The following PRMT8 variants were observed in gnomAD, a reference collection of about 807,000 sequenced individuals.
PRMT8 encodes protein arginine N-methyltransferase 8.
A neutral mutation model predicts 47.1 loss-of-function variants in PRMT8; 7 were observed. The observed-to-expected ratio is 0.15, with a 90% CI of 0.08 to 0.28. PRMT8 has a LOEUF of 0.28. Among genes scored for constraint, PRMT8 ranks in the 10% least tolerant of loss-of-function variants. The probability of loss-of-function intolerance (pLI) is 1.00; values close to 1 mark genes in which losing one functional copy is unlikely to be tolerated. For synonymous variants in PRMT8, 188 were observed against 186.5 expected, an observed-to-expected ratio of 1.01 and a Z score of -0.07; for missense variants, 237 against 505.4, an observed-to-expected ratio of 0.47 and a Z score of 5.09.
intron 1 of PRMT8, among the ~76,000 whole-genome samples, chr12:3,506,345 C>G (rs1460588600): frequency 6.6e-6 from 1 of 152,142 alleles, no homozygotes. Flanking sequence ...GAAAGGAGAA[C>G]AGATAAGTAC....
At chr12:3,510,263 G>T (rs931138325) in intron 1 of PRMT8, among the ~76,000 whole-genome samples, 8 of 152,096 alleles carry the variant, frequency 5.3e-5, no homozygotes, top group Non-Finnish European at 1.0e-4. Context: ...CGTGGTCCAG[G>T]TCCCTTTACT....
In PRMT8 at chr12:3,576,992, G is replaced by A; in HGVS notation, c.828+6G>A. 6.2e-7 allele frequency: 1 copy of A among 1,612,570 alleles called. No individual in the cohort carries two copies. The highest frequency in any genetic ancestry group is 8.5e-7 in the Non-Finnish European group (1 of 1,178,596). On this transcript the variant is annotated splice_donor_region_variant and intron_variant, in intron 7 of 9. Transcript: ENST00000382622. The surrounding 1 kb of genome is among the most constrained non-coding windows in gnomAD (Gnocchi z 4.0). ...CCAATGCCTGTTTGATAAAGGTCTG[G>A]ACACTCATCCGGGGTGGACCTGGGT... is the stretch of plus-strand genomic sequence containing the variant.
At chr12:3,527,285 A>AT (rs1035514567) in intron 1 of PRMT8, among the ~76,000 whole-genome samples, 2 of 151,800 alleles carry the variant, frequency 1.3e-5, no homozygotes, top group East Asian at 1.9e-4. Flanking sequence ...TATATGTACT[A>AT]TTTTTTTTAA....
chr12:3,421,002 A>G (rs533559826), intron 1 of PRMT8, among the ~76,000 whole-genome samples: 4 of 152,290 alleles, frequency 2.6e-5, no homozygotes, highest in African/African-American at 9.6e-5. Flanking sequence ...ATCACATCAA[A>G]TATCAGGCAT....
chr12:3,562,384 G>A (rs1866651643), intron 4 of PRMT8, among the ~76,000 whole-genome samples: 1 of 151,692 alleles, frequency 6.6e-6, no homozygotes. Context: ...GGGCATAGGG[G>A]AGTTCGTGGT....
intron 1 of PRMT8, among the ~76,000 whole-genome samples, chr12:3,513,398 G>A (rs1358319685): frequency 1.3e-5 from 2 of 152,046 alleles, no homozygotes; most frequent in Non-Finnish European, 2.9e-5. Flanking sequence ...TTATATTTTG[G>A]CTTGAACAGG....
intron 1 of PRMT8, among the ~76,000 whole-genome samples, chr12:3,480,656 C>G (rs931813531): frequency 3.9e-4 from 59 of 150,848 alleles, no homozygotes; most frequent in Non-Finnish European, 5.8e-4. Context: ...CTTCCTCCCC[C>G]CACCGCTTTC....
In PRMT8 at chr12:3,491,450, A is replaced by G. The variant is rs1260085051; in HGVS notation, c.-176A>G. On this transcript the variant is annotated 5_prime_UTR_variant, in exon 1 of 10. Transcript: ENST00000382622. ...AGATGAGAAGGGAGGAAAATAAAAG[A>G]AAGTGGAGACTGCAGAACAGACTCC... is the stretch of plus-strand genomic sequence containing the variant. The G allele has an allele frequency of 1.4e-6, 2 of 1,395,260 alleles. No individual in the cohort carries two copies. Among genetic ancestry groups the G allele is most frequent in the South Asian group, 3.5e-5 (2 of 56,936 alleles). 86.4% of individuals were successfully genotyped at this position (1,395,260 alleles called of 1,614,324 possible). A position where few individuals can be genotyped will look rare whatever the true frequency, so the allele number is the denominator to read the frequency against.
chr12:3,396,681 A>C (rs1223757098), intron 1 of PRMT8, among the ~76,000 whole-genome samples: 1 of 151,044 alleles, frequency 6.6e-6, no homozygotes, highest in African/African-American at 2.4e-5. Flanking sequence ...GAATCTGACA[A>C]TTATGTGTCT....
chr12:3,587,056 T>G (rs1867193543), intron 8 of PRMT8, among the ~76,000 whole-genome samples: 1 of 152,162 alleles, frequency 6.6e-6, no homozygotes, highest in Non-Finnish European at 1.5e-5. Context: ...ACTGACCGAG[T>G]AACCCTTTCT....
intron 1 of PRMT8, among the ~76,000 whole-genome samples, chr12:3,516,540 A>G (rs1865794716): frequency 6.6e-6 from 1 of 152,244 alleles, no homozygotes; most frequent in East Asian, 1.9e-4. Context: ...AAAGTTCTGA[A>G]GAAAACTAAA....
At chr12:3,553,139 T>G (rs1207688955) in intron 3 of PRMT8, 6 of 190,436 alleles carry the variant, frequency 3.2e-5, no homozygotes, top group South Asian at 2.0e-4. Context: ...ACGTGGGGGG[T>G]GGGAGGGGAA....
chr12:3,396,611 G>A (rs994272710), intron 1 of PRMT8, among the ~76,000 whole-genome samples: 1 of 152,094 alleles, frequency 6.6e-6, no homozygotes, highest in Non-Finnish European at 1.5e-5. Flanking sequence ...TCCCTTTGTG[G>A]GTAACCCGAC....
intron 1 of PRMT8, among the ~76,000 whole-genome samples, chr12:3,470,967 T>TTC (rs1372457031): frequency 6.6e-6 from 1 of 152,192 alleles, no homozygotes; most frequent in Non-Finnish European, 1.5e-5. Flanking sequence ...CAGTGGGGCT[T>TTC]TCCTTCAGGC....
At chr12:3,415,926 C>G (rs1156348885) in intron 1 of PRMT8, among the ~76,000 whole-genome samples, 2 of 152,194 alleles carry the variant, frequency 1.3e-5, no homozygotes, top group Admixed American at 6.5e-5. Context: ...TCACAGGGCT[C>G]TCCCCGCAGG....
chr12:3,576,897 A>G lies in PRMT8; in HGVS notation c.739A>G (p.Met247Val), dbSNP rs1866955460. 1 of 1,614,122 alleles carries G rather than the reference A, an allele frequency of 6.2e-7. No individual in the cohort carries two copies. The highest frequency in any genetic ancestry group is 8.5e-7 in the Non-Finnish European group (1 of 1,180,008). ...HWWENVYGFD[M>V]TCIRDVAMKE... is the part of the protein sequence containing the mutation. Reference sequence around the variant, plus strand: ...GTGGGAGAATGTCTATGGCTTTGACATGACCTGCATCCGGGACGTGGCCAT... The same window carrying G: ...GTGGGAGAATGTCTATGGCTTTGACGTGACCTGCATCCGGGACGTGGCCAT... Residue 247 changes from methionine (M) to valine (V), a missense_variant, in exon 7 of 10, where the codon ATG becomes GTG. Met to Val is a conservative substitution (Grantham distance 21). Coordinates refer to ENST00000382622, the MANE Select transcript of PRMT8 (RefSeq NM_019854.5). The surrounding 1 kb of genome is among the most constrained non-coding windows in gnomAD (Gnocchi z 4.0).
intron 1 of PRMT8, among the ~76,000 whole-genome samples, chr12:3,478,187 A>G (rs1290549848): frequency 6.6e-6 from 1 of 152,184 alleles, no homozygotes; most frequent in Non-Finnish European, 1.5e-5. Flanking sequence ...AAAGGAGTAG[A>G]CTGAACTCTC....
chr12:3,407,626 C>T (rs1267793409), intron 1 of PRMT8, among the ~76,000 whole-genome samples: 1 of 151,998 alleles, frequency 6.6e-6, no homozygotes, highest in East Asian at 1.9e-4. Context: ...GTCAGGGGGC[C>T]CTTTGAGCTT....
At chr12:3,447,242 C>A (rs562811726) in intron 1 of PRMT8, among the ~76,000 whole-genome samples, 1 of 152,138 alleles carries the variant, frequency 6.6e-6, no homozygotes, top group Non-Finnish European at 1.5e-5. Context: ...ATCTGTGCAC[C>A]GAAGTTATGA....
Sources: gnomAD v4.1 joint callset for allele counts (sites outside exome capture counted in the v4.1 genomes callset) on GRCh38, gnomAD v4.1.1 for gene constraint, Gnocchi (gnomAD v3.1) non-coding constraint, MANE v1.5 for transcripts, NCBI Gene and HGNC (gene_info 2026-07-23, HGNC 2026-07-21) for gene names.